The following SCUBE1 variants were observed in gnomAD, a reference collection of about 807,000 sequenced individuals.
SCUBE1 encodes signal peptide, CUB and EGF-like domain-containing protein 1.
Under a neutral mutation model 124.4 loss-of-function variants are expected in SCUBE1, and 59 were observed. The observed-to-expected ratio is 0.47, with a 90% CI of 0.38 to 0.59. The LOEUF is 0.59. Among genes scored for constraint, SCUBE1 ranks in the 20% least tolerant of loss-of-function variants. The pLI is 0.00. For missense variants in SCUBE1, 1,150 were observed against 1,371.2 expected (o/e 0.84, Z 2.55); for synonymous variants, 545 against 550.9 (o/e 0.99, Z 0.15).
In SCUBE1 at chr22:43,255,546, C is replaced by T; in HGVS notation, c.727+2673G>A. ...CATCAGCTACTGACGTGGCATTGAA[C>T]TGAGAGCGCTCAATTGCAGCCTCAT... On this transcript the variant is annotated intron_variant, in intron 6 of 21. Transcript: ENST00000360835. The surrounding 1 kb of genome is among the most constrained non-coding windows in gnomAD (Gnocchi z 4.7). 6.4e-7 allele frequency: 1 copy of T among 1,550,582 alleles called. No individual in the cohort carries two copies. The highest frequency in any genetic ancestry group is 8.7e-7 in the Non-Finnish European group (1 of 1,146,998).
intron 16 of SCUBE1, 43 bp downstream of exon 16, chr22:43,214,047 G>GGGCCCCCCCCCCCCCCC: frequency 7.0e-6 from 1 of 143,440 alleles, no homozygotes; most frequent in East Asian, 2.8e-4. Flanking sequence ...AGGAGCCCCC[G>GGGCCCCCCCCCCCCCCC]CCCACCCCCC....
At chr22:43,260,900 G>T (rs953810555) in intron 5 of SCUBE1, among the ~76,000 whole-genome samples, 6 of 152,206 alleles carry the variant, frequency 3.9e-5, no homozygotes, top group African/African-American at 1.4e-4. Flanking sequence ...CTCAGAAGAT[G>T]CTCTCTGAGC....
chr22:43,216,789 G>A (rs1245493939), intron 15 of SCUBE1, among the ~76,000 whole-genome samples: 1 of 146,614 alleles, frequency 6.8e-6, no homozygotes, highest in African/African-American at 2.6e-5. Flanking sequence ...CCCTTCCCCT[G>A]CCAGGTGTCA....
chr22:43,204,151 T>C lies in SCUBE1; in HGVS notation c.2815-2A>G. 6.2e-7 allele frequency: 1 copy of C among 1,613,638 alleles called. No homozygotes were observed. Among genetic ancestry groups the C allele is most frequent in the East Asian group, 2.2e-5 (1 of 44,854 alleles). On this transcript the variant is annotated splice_acceptor_variant, in intron 21 of 21. Transcript: ENST00000360835. LOFTEE classifies it high-confidence loss of function. ...GAGGGCCTTGATCAGCTTCTTGTCCTGTAAGATAGAGTGGGTGGGAGGCAG... is the reference window on the plus strand; with the variant it reads ...GAGGGCCTTGATCAGCTTCTTGTCCCGTAAGATAGAGTGGGTGGGAGGCAG...
chr22:43,307,904 G>C (rs1259106506), intron 3 of SCUBE1, among the ~76,000 whole-genome samples: 1 of 152,208 alleles, frequency 6.6e-6, no homozygotes, highest in East Asian at 1.9e-4. Context: ...CCTGACTTCT[G>C]CTCTGTGGGC....
chr22:43,323,518 A>T (rs1009719217), intron 2 of SCUBE1, among the ~76,000 whole-genome samples: 2 of 152,108 alleles, frequency 1.3e-5, no homozygotes, highest in African/African-American at 4.8e-5. Context: ...ACACGCATGC[A>T]TGCATCCATC....
chr22:43,258,425 G>A lies in SCUBE1; in HGVS notation c.611-90C>T. On this transcript the variant is annotated intron_variant, in intron 5 of 21. Coordinates refer to ENST00000360835, the MANE Select transcript of SCUBE1 (RefSeq NM_173050.5). This position sits in a 1 kb window ranked among gnomAD's most constrained non-coding sequence, Gnocchi z 5.0. ...GTGTTGGCGGCTGCCTTCAGGGTATGGGGAAACTGAGGCCTAAGGGCATCA... is the reference window on the plus strand; with the variant it reads ...GTGTTGGCGGCTGCCTTCAGGGTATAGGGAAACTGAGGCCTAAGGGCATCA... 1.0e-6 allele frequency: 1 copy of A among 956,730 alleles called. No homozygotes were observed. Among genetic ancestry groups the A allele is most frequent in the East Asian group, 2.4e-5 (1 of 41,624 alleles). The allele number at this position is 956,730 out of a possible 1,614,324, so 59.3% of individuals were successfully genotyped here.
intron 4 of SCUBE1, among the ~76,000 whole-genome samples, chr22:43,289,883 G>C (rs1925290607): frequency 1.4e-5 from 2 of 147,090 alleles, no homozygotes; most frequent in Non-Finnish European, 2.9e-5. Context: ...CTCTCAGCGT[G>C]AGCCCCTCTC....
intron 1 of SCUBE1, among the ~76,000 whole-genome samples, chr22:43,341,158 C>A (rs556090935): frequency 7.1e-4 from 108 of 152,318 alleles, no homozygotes; most frequent in African/African-American, 2.5e-3. Flanking sequence ...GGGGGGGCTA[C>A]CCATCTGCTC....
intron 4 of SCUBE1, among the ~76,000 whole-genome samples, chr22:43,279,968 A>G (rs1924697235): frequency 6.6e-6 from 1 of 152,190 alleles, no homozygotes; most frequent in Non-Finnish European, 1.5e-5. Flanking sequence ...GCCTCAATGA[A>G]GCCTTGAATA....
In SCUBE1 at chr22:43,339,186, G is replaced by A. The variant is rs755600943; in HGVS notation, c.138C>T (p.Ile46=). The A allele has an allele frequency of 2.5e-6, 4 of 1,613,820 alleles. No homozygotes were observed. Among genetic ancestry groups the A allele is most frequent in the East Asian group, 4.5e-5 (2 of 44,882 alleles). ...TGGGCGTGTTCTGACAGATGGCATC[G>A]ATGTGGCAGTCATCTGTGCCCTCTG... ...ECSEGTDDCH[I]DAICQNTPKS... The change falls in exon 2 of 22, where the codon ATC becomes ATT. Residue 46 remains isoleucine (I), a synonymous_variant. Transcript: ENST00000360835.
intron 15 of SCUBE1, 146 bp downstream of exon 15, chr22:43,218,109 T>C (rs1921916602): frequency 3.0e-5 from 22 of 729,574 alleles, no homozygotes; most frequent in Middle Eastern, 3.8e-4. Context: ...CCATGAGGGC[T>C]GCAGTCCTTC....
intron 3 of SCUBE1, among the ~76,000 whole-genome samples, chr22:43,300,037 A>G (rs1925708722): frequency 6.6e-6 from 1 of 152,196 alleles, no homozygotes. Flanking sequence ...GCTGATGGAC[A>G]TCCGGGTTGT....
Position 43,199,087 on chromosome 22 carries a change from G to GTCTGCTGTCTGGGGCAGTTTGTCTGTCTT in SCUBE1, c.*4909_*4910insAAGACAGACAAACTGCCCCAGACAGCAGA. On this transcript the variant is annotated 3_prime_UTR_variant, in exon 22 of 22. Coordinates refer to ENST00000360835, the MANE Select transcript of SCUBE1 (RefSeq NM_173050.5). ...GTCTGCTGTCCGGGGCAGTTTGTTTGTCTGTCTGCTGTCTGGGGCAGTTTG... is the reference window on the plus strand; with the variant it reads ...GTCTGCTGTCCGGGGCAGTTTGTTTGTCTGCTGTCTGGGGCAGTTTGTCTGTCTTTCTGTCTGCTGTCTGGGGCAGTTTG... The GTCTGCTGTCTGGGGCAGTTTGTCTGTCTT allele has an allele frequency of 3.3e-6, 1 of 303,190 alleles. No individual in the cohort carries two copies. Among genetic ancestry groups the GTCTGCTGTCTGGGGCAGTTTGTCTGTCTT allele is most frequent in the Non-Finnish European group, 6.5e-6 (1 of 153,590 alleles). 18.8% of individuals were successfully genotyped at this position (303,190 alleles called of 1,614,324 possible). A position where few individuals can be genotyped will look rare whatever the true frequency, so the allele number is the denominator to read the frequency against.
chr22:43,225,378 C>G (rs1187049877), intron 10 of SCUBE1, among the ~76,000 whole-genome samples: 4 of 152,102 alleles, frequency 2.6e-5, no homozygotes, highest in Non-Finnish European at 5.9e-5. Flanking sequence ...CAGGATATCG[C>G]TGGATAGTTA....
chr22:43,271,848 G>C (rs1924305648), intron 4 of SCUBE1, among the ~76,000 whole-genome samples: 1 of 152,144 alleles, frequency 6.6e-6, no homozygotes, highest in Non-Finnish European at 1.5e-5. Flanking sequence ...CCCACAGTGG[G>C]CTCTTTGCAA....
intron 8 of SCUBE1, 51 bp from the exon 9 acceptor site, chr22:43,229,239 G>T: frequency 1.9e-6 from 2 of 1,076,700 alleles, no homozygotes; most frequent in South Asian, 1.2e-5. Context: ...AGGGAGTGGT[G>T]GGTGGGCACG....
chr22:43,291,256 G>C, intron 3 of SCUBE1, 76 bp from the exon 4 acceptor site: 1 of 1,499,072 alleles, frequency 6.7e-7, no homozygotes, highest in Non-Finnish European at 9.2e-7. Flanking sequence ...TGGCGGGACA[G>C]GGATGCAGTG....
At chr22:43,264,388 G>A (rs887939940) in intron 4 of SCUBE1, among the ~76,000 whole-genome samples, 2 of 152,204 alleles carry the variant, frequency 1.3e-5, no homozygotes, top group Non-Finnish European at 1.5e-5. Flanking sequence ...GTCTGTCTGT[G>A]GGGGCACTGG....
Sources: allele counts gnomAD v4.1 joint callset (sites outside exome capture counted in the v4.1 genomes callset), GRCh38; gene constraint gnomAD v4.1.1; non-coding constraint Gnocchi (gnomAD v3.1); transcripts MANE v1.5; gene names NCBI Gene and HGNC (gene_info 2026-07-23, HGNC 2026-07-21).